SORBS2: variants seen among roughly 807,000 people sequenced by gnomAD.
SORBS2 encodes the protein sorbin and SH3 domain-containing protein 2.
SORBS2 carries 46 observed loss-of-function variants against 97.7 expected under a neutral mutation model. The ratio of observed to expected loss-of-function variants is 0.47; its 90% CI spans 0.37 to 0.60. The LOEUF (loss-of-function observed/expected upper bound fraction) is 0.60. SORBS2 is among the 20% of genes least tolerant of loss of function. SORBS2 has a pLI of 0.00. For synonymous variants in SORBS2, 476 were observed against 473.4 expected, an observed-to-expected ratio of 1.01 and a Z score of -0.07; for missense variants, 1,316 against 1,282.3, an observed-to-expected ratio of 1.03 and a Z score of -0.40.
At chr4:185,643,787 A>G (rs186913242) in intron 4 of SORBS2, among the ~76,000 whole-genome samples, 22 of 152,338 alleles carry the variant, frequency 1.4e-4, no homozygotes, top group African/African-American at 5.0e-4. Context: ...GAAAATGAAA[A>G]GAGCAAAGGA....
chr4:185,904,078 C>T (rs2099249311), intron 1 of SORBS2, among the ~76,000 whole-genome samples: 1 of 152,138 alleles, frequency 6.6e-6, no homozygotes, highest in Non-Finnish European at 1.5e-5. Context: ...TTTAAAACTA[C>T]TTTGAGATAG....
chr4:185,932,914 T>C (rs1337865044), intron 1 of SORBS2: 1 of 152,264 alleles, frequency 6.6e-6, no homozygotes, highest in Non-Finnish European at 1.5e-5. Flanking sequence ...CAGTTCTCAA[T>C]AATCAACTAC....
chr4:185,839,156 T>C (rs2099210008), intron 1 of SORBS2, among the ~76,000 whole-genome samples: 1 of 152,162 alleles, frequency 6.6e-6, no homozygotes, highest in Non-Finnish European at 1.5e-5. Flanking sequence ...ATGCTCCCCA[T>C]TGTGAAAAAG....
At position 185,744,469 on chromosome 4, in the gene SORBS2, C is replaced by T. The variant is rs1373998321; in HGVS notation, c.-198+30758G>A. On this transcript the variant is annotated intron_variant, in intron 2 of 20. Transcript: ENST00000284776. ...CTATTTTAGACTCTGCATCACGAAA[C>T]GAGATCTATGGTTTTGGTTGAATTT... Among the ~76,000 whole-genome samples the T allele has an allele frequency of 3.9e-5, 6 of 152,270 alleles. No homozygotes were observed. The South Asian group carries it at 8.3e-4, about 21-fold the overall frequency.
intron 1 of SORBS2, among the ~76,000 whole-genome samples, chr4:185,855,926 T>C (rs2099220419): frequency 6.6e-6 from 1 of 152,204 alleles, no homozygotes; most frequent in Non-Finnish European, 1.5e-5. Flanking sequence ...GTTTATGGAA[T>C]GAATCACTGT....
intron 1 of SORBS2, among the ~76,000 whole-genome samples, chr4:185,931,373 T>C (rs1380954579): frequency 6.6e-6 from 1 of 152,188 alleles, no homozygotes. Context: ...TGACACTTGT[T>C]AAGGACACAC....
At chr4:185,887,235 A>T (rs914264916) in intron 1 of SORBS2, among the ~76,000 whole-genome samples, 1 of 152,188 alleles carries the variant, frequency 6.6e-6, no homozygotes, top group African/African-American at 2.4e-5. Context: ...ATAATATCAC[A>T]TTTCTTTCTG....
intron 4 of SORBS2, among the ~76,000 whole-genome samples, chr4:185,642,714 T>A (rs2097146504): frequency 6.6e-6 from 1 of 152,216 alleles, no homozygotes; most frequent in Non-Finnish European, 1.5e-5. Flanking sequence ...CATAAACGCA[T>A]ATGCCACTGA....
intron 4 of SORBS2, among the ~76,000 whole-genome samples, chr4:185,632,921 A>C (rs577745795): frequency 1.9e-4 from 29 of 152,338 alleles, no homozygotes; most frequent in African/African-American, 7.0e-4. Context: ...TAAAAAATCT[A>C]GATTGATGAC....
At chr4:185,912,500 G>A (rs1028194876) in intron 1 of SORBS2, among the ~76,000 whole-genome samples, 3 of 142,614 alleles carry the variant, frequency 2.1e-5, no homozygotes, top group South Asian at 2.2e-4. Context: ...CAGGAGAATC[G>A]CTTGCACCCA....
chr4:185,895,731 T>C (rs1372921280), intron 1 of SORBS2, among the ~76,000 whole-genome samples: 1 of 152,190 alleles, frequency 6.6e-6, no homozygotes, highest in Admixed American at 6.5e-5. Flanking sequence ...AATAAGAAAC[T>C]TGAAGAACAG....
chr4:185,719,083 A>C lies in SORBS2; in HGVS notation c.-197-40261T>G, dbSNP rs373166138. ...TAAAATAGAATCTGGTTTTAAAAAAAAATCGGTGTACCTGTTCTCTGTTGT... is the reference window on the plus strand; with the variant it reads ...TAAAATAGAATCTGGTTTTAAAAAACAATCGGTGTACCTGTTCTCTGTTGT... On this transcript the variant is annotated intron_variant, in intron 2 of 20. Transcript: ENST00000284776. Among the ~76,000 whole-genome samples the C allele has an allele frequency of 1.4e-4, 21 of 152,336 alleles. 1 individual carries two copies. The highest frequency in any genetic ancestry group is 4.8e-4 in the African/African-American group (20 of 41,598).
At chr4:185,771,958 T>A (rs2098973965) in intron 2 of SORBS2, 1 of 152,104 alleles carries the variant, frequency 6.6e-6, no homozygotes, top group Non-Finnish European at 1.5e-5. Context: ...ATATTTTCAT[T>A]GGAGATTATT....
rs1226652689 is a variant in SORBS2, at chr4:185,697,084, T to C, written c.-197-18262A>G. 3.9e-5 allele frequency among the ~76,000 whole-genome samples: 6 copies of C among 152,306 alleles called. No individual in the cohort carries two copies. The East Asian group carries it at 9.6e-4, about 24-fold the overall frequency. ...AGAAATAGGCAAAGCTTGACTCAAA[T>C]CCCAGTTCTGCCCATTTCTATGCAT... On this transcript the variant is annotated intron_variant, in intron 2 of 20. Coordinates refer to the SORBS2 transcript ENST00000284776.
At chr4:185,617,862 T>C (rs1396290300) in intron 9 of SORBS2, among the ~76,000 whole-genome samples, 1 of 152,216 alleles carries the variant, frequency 6.6e-6, no homozygotes, top group Non-Finnish European at 1.5e-5. Context: ...GGAATCTTTG[T>C]ACTAAGTTCT....
chr4:185,671,308 G>A (rs188615648), intron 4 of SORBS2, among the ~76,000 whole-genome samples: 146 of 152,290 alleles, frequency 9.6e-4, no homozygotes, highest in African/African-American at 3.2e-3. Flanking sequence ...TCGGGAATAT[G>A]GTTTTGCATC....
Position 185,688,623 on chromosome 4 carries a change from T to G in SORBS2, c.-197-9801A>C, listed in dbSNP as rs2098027235. On this transcript the variant is annotated intron_variant, in intron 2 of 20. Transcript: ENST00000284776. ...TATTCATCTATCTATCTATCTATCA[T>G]CATCTGTCTATCTGTAGATAGATAA... Among the ~76,000 whole-genome samples, 4 of 152,280 alleles carry G rather than the reference T, an allele frequency of 2.6e-5. No individual in the cohort carries two copies. The South Asian group carries it at 8.3e-4, about 32-fold the overall frequency.
At chr4:185,881,380 A>G (rs1317363744) in intron 1 of SORBS2, among the ~76,000 whole-genome samples, 2 of 152,236 alleles carry the variant, frequency 1.3e-5, no homozygotes, top group African/African-American at 4.8e-5. Flanking sequence ...TGTACCAAGG[A>G]TAATTCTCTG....
intron 1 of SORBS2, among the ~76,000 whole-genome samples, chr4:185,793,374 A>G (rs767031786): frequency 6.6e-6 from 1 of 152,212 alleles, no homozygotes; most frequent in African/African-American, 2.4e-5. Context: ...TTTGCCGTGA[A>G]TACTCCACAT....
Sources: gnomAD v4.1 joint callset for allele counts (sites outside exome capture counted in the v4.1 genomes callset) on GRCh38, gnomAD v4.1.1 for gene constraint, MANE v1.5 for transcripts, NCBI Gene and HGNC (gene_info 2026-07-23, HGNC 2026-07-21) for gene names.